The following BMERB1 variants were observed in gnomAD, a reference collection of about 807,000 sequenced individuals.
The protein encoded by BMERB1 is bMERB domain containing 1.
BMERB1 carries 12 observed loss-of-function variants against 23.6 expected under a neutral mutation model. The ratio of observed to expected loss-of-function variants is 0.51; its 90% CI spans 0.33 to 0.82. The LOEUF is 0.82. Ranked by LOEUF, BMERB1 falls within the 40% of genes least tolerant of loss-of-function variation. The pLI is 0.03. For synonymous variants in BMERB1, 122 were observed against 96.6 expected (o/e 1.26, Z -1.54); for missense variants, 247 against 255.4 (o/e 0.97, Z 0.22).
At chr16:15,455,072 A>G (rs896342692) in intron 1 of BMERB1, among the ~76,000 whole-genome samples, 3 of 152,086 alleles carry the variant, frequency 2.0e-5, no homozygotes, top group African/African-American at 7.2e-5. Flanking sequence ...GTGGTGGCTC[A>G]TGCCTGTAAT....
chr16:15,583,440 C>T (rs946577600), intron 5 of BMERB1, among the ~76,000 whole-genome samples: 5 of 151,808 alleles, frequency 3.3e-5, no homozygotes, highest in African/African-American at 1.2e-4. Context: ...TAGCTGGGCA[C>T]GGTGGCACAC....
chr16:15,538,512 G>A (rs1399736213), intron 2 of BMERB1, among the ~76,000 whole-genome samples: 2 of 151,972 alleles, frequency 1.3e-5, no homozygotes, highest in East Asian at 3.9e-4. Flanking sequence ...CCTTGAAGAT[G>A]GTGACTGTTT....
intron 2 of BMERB1, among the ~76,000 whole-genome samples, chr16:15,537,358 ATTT>A (rs113207342): frequency 2.0e-5 from 3 of 147,004 alleles, no homozygotes; most frequent in Non-Finnish European, 1.5e-5. Flanking sequence ...CTTATTCTTA[ATTT>A]TTTTTTTTTT....
At chr16:15,464,963 C>G (rs756342584) in intron 1 of BMERB1, among the ~76,000 whole-genome samples, 5 of 152,114 alleles carry the variant, frequency 3.3e-5, no homozygotes, top group African/African-American at 4.8e-5. Context: ...TGGAGTCACT[C>G]TGGTTCAAAT....
At chr16:15,473,934 A>T (rs914417110) in intron 1 of BMERB1, among the ~76,000 whole-genome samples, 1 of 151,914 alleles carries the variant, frequency 6.6e-6, no homozygotes, top group Non-Finnish European at 1.5e-5. Flanking sequence ...CCTGGCTAAC[A>T]TGGTGAAACC....
At chr16:15,519,454 G>T (rs1005123250) in intron 2 of BMERB1, among the ~76,000 whole-genome samples, 4 of 152,058 alleles carry the variant, frequency 2.6e-5, no homozygotes, top group African/African-American at 9.7e-5. Context: ...GCAGTGGTGC[G>T]ATCTCGGCTC....
chr16:15,520,502 A>G (rs1398755941), intron 2 of BMERB1, among the ~76,000 whole-genome samples: 1 of 138,354 alleles, frequency 7.2e-6, no homozygotes, highest in Non-Finnish European at 1.5e-5. Flanking sequence ...TTTTTTTGAG[A>G]CAAGAGTCTC....
At chr16:15,517,711 A>G (rs1194574795) in intron 2 of BMERB1, among the ~76,000 whole-genome samples, 1 of 151,774 alleles carries the variant, frequency 6.6e-6, no homozygotes, top group Middle Eastern at 3.4e-3. Flanking sequence ...ACCACTGTGC[A>G]CTTACTGACC....
At chr16:15,567,888 C>G in intron 2 of BMERB1, 95 bp from the exon 3 acceptor site, 1 of 1,169,770 alleles carries the variant, frequency 8.5e-7, no homozygotes, top group South Asian at 1.5e-5. Context: ...AAAAGATAAC[C>G]CACCTTTAAT....
chr16:15,456,701 A>G (rs531103242), intron 1 of BMERB1, among the ~76,000 whole-genome samples: 2 of 152,274 alleles, frequency 1.3e-5, no homozygotes, highest in East Asian at 1.9e-4. Flanking sequence ...GTGTCTGGTT[A>G]TACCTTATTT....
intron 2 of BMERB1, among the ~76,000 whole-genome samples, chr16:15,519,863 G>A (rs2051828098): frequency 6.6e-6 from 1 of 152,148 alleles, no homozygotes; most frequent in Non-Finnish European, 1.5e-5. Context: ...ACGACAGTGA[G>A]GAAGAAGAGG....
intron 1 of BMERB1, among the ~76,000 whole-genome samples, chr16:15,505,379 T>C (rs2051576839): frequency 6.6e-6 from 1 of 152,236 alleles, no homozygotes; most frequent in Non-Finnish European, 1.5e-5. Flanking sequence ...TAGCTTTGTC[T>C]TTAATGCCCC....
At chr16:15,506,884 G>A (rs1355320908) in intron 1 of BMERB1, among the ~76,000 whole-genome samples, 1 of 152,142 alleles carries the variant, frequency 6.6e-6, no homozygotes, top group African/African-American at 2.4e-5. Context: ...TCTGTGCAGC[G>A]AGTAGCAGGA....
At chr16:15,502,488 C>T (rs930791366) in intron 1 of BMERB1, 9 of 920,502 alleles carry the variant, frequency 9.8e-6, no homozygotes, top group Non-Finnish European at 1.4e-5. Flanking sequence ...CTTTGGGAAA[C>T]GGTGACTCAT....
At chr16:15,495,656 G>A (rs184752547) in intron 1 of BMERB1, among the ~76,000 whole-genome samples, 5 of 152,270 alleles carry the variant, frequency 3.3e-5, no homozygotes, top group Admixed American at 2.0e-4. Context: ...GTGAGCCACC[G>A]CGCCTGGCCT....
At chr16:15,563,134 C>G (rs1344376315) in intron 2 of BMERB1, among the ~76,000 whole-genome samples, 1 of 152,184 alleles carries the variant, frequency 6.6e-6, no homozygotes, top group Non-Finnish European at 1.5e-5. Flanking sequence ...GTAATCCCAG[C>G]ACTTTGGGAG....
chr16:15,440,362 G>T (rs1028777607), intron 1 of BMERB1, among the ~76,000 whole-genome samples: 1 of 151,906 alleles, frequency 6.6e-6, no homozygotes, highest in Non-Finnish European at 1.5e-5. Context: ...CCATAAGCCC[G>T]GGGGAGATGA....
At chr16:15,563,118 ACG>A (rs2030470557) in intron 2 of BMERB1, among the ~76,000 whole-genome samples, 2 of 152,198 alleles carry the variant, frequency 1.3e-5, no homozygotes, top group Admixed American at 6.5e-5. Flanking sequence ...GCAGTGGCTC[ACG>A]CCTGTAATCC....
At chr16:15,520,537 A>C (rs1409782559) in intron 2 of BMERB1, among the ~76,000 whole-genome samples, 1 of 141,120 alleles carries the variant, frequency 7.1e-6, no homozygotes, top group Non-Finnish European at 1.5e-5. Flanking sequence ...GCTGGAGTGC[A>C]GTGGGGCACG....
Sources: allele counts gnomAD v4.1 joint callset (sites outside exome capture counted in the v4.1 genomes callset), GRCh38; gene constraint gnomAD v4.1.1; transcripts MANE v1.5; gene names NCBI Gene and HGNC (gene_info 2026-07-23, HGNC 2026-07-21).